UBE2G1: variants seen among roughly 807,000 people sequenced by gnomAD.
UBE2G1 encodes the protein ubiquitin conjugating enzyme E2 G1.
In UBE2G1, 5 loss-of-function variants were observed where a neutral mutation model predicts 22.7. That is an observed-to-expected ratio of 0.22 (90% CI 0.12 to 0.46). UBE2G1 has a LOEUF of 0.46. Ranked by LOEUF, UBE2G1 falls within the 20% of genes least tolerant of loss-of-function variation. The pLI is 0.99. For missense variants in UBE2G1, 88 were observed against 203.9 expected, an observed-to-expected ratio of 0.43 and a Z score of 3.46; for synonymous variants, 74 against 67.5, an observed-to-expected ratio of 1.10 and a Z score of -0.47.
intron 1 of UBE2G1, among the ~76,000 whole-genome samples, chr17:4,327,550 G>C (rs898665965): frequency 6.6e-5 from 10 of 152,192 alleles, no homozygotes; most frequent in Admixed American, 6.5e-5. Context: ...GGGTTGCCAG[G>C]GGCTCAGGAT....
chr17:4,280,865 C>T (rs988953714), intron 5 of UBE2G1, among the ~76,000 whole-genome samples: 17 of 152,172 alleles, frequency 1.1e-4, no homozygotes, highest in South Asian at 2.1e-4. Flanking sequence ...GAACTCCTGA[C>T]CTTGTGATCC....
At chr17:4,323,914 A>G (rs1969473054) in intron 1 of UBE2G1, among the ~76,000 whole-genome samples, 1 of 152,170 alleles carries the variant, frequency 6.6e-6, no homozygotes, top group Admixed American at 6.5e-5. Flanking sequence ...ATATATTTAG[A>G]GCATTTCATT....
chr17:4,336,691 T>C (rs1489267625), intron 1 of UBE2G1, among the ~76,000 whole-genome samples: 1 of 152,072 alleles, frequency 6.6e-6, no homozygotes, highest in Non-Finnish European at 1.5e-5. Context: ...CACACCCAGC[T>C]AATTTTTGTA....
At chr17:4,360,175 T>C (rs1471343110) in intron 1 of UBE2G1, among the ~76,000 whole-genome samples, 1 of 152,144 alleles carries the variant, frequency 6.6e-6, no homozygotes, top group Non-Finnish European at 1.5e-5. Flanking sequence ...AGTTATTTCC[T>C]ACAAACCAAT....
At chr17:4,290,515 A>G (rs561261485) in intron 3 of UBE2G1, among the ~76,000 whole-genome samples, 1 of 152,274 alleles carries the variant, frequency 6.6e-6, no homozygotes, top group East Asian at 1.9e-4. Context: ...TTTGTCACCC[A>G]GGCTGGAGTG....
intron 1 of UBE2G1, among the ~76,000 whole-genome samples, chr17:4,342,258 A>ATCCT (rs1265980452): frequency 2.0e-5 from 3 of 152,124 alleles, no homozygotes; most frequent in Non-Finnish European, 4.4e-5. Flanking sequence ...TGTCAACTCC[A>ATCCT]TCCTTTCAGA....
At chr17:4,316,591 T>C (rs1969376996) in intron 1 of UBE2G1, among the ~76,000 whole-genome samples, 1 of 152,216 alleles carries the variant, frequency 6.6e-6, no homozygotes, top group South Asian at 2.1e-4. Context: ...ATCAAGTTAA[T>C]AAATTTTACA....
chr17:4,359,655 C>T (rs1184858085), intron 1 of UBE2G1, among the ~76,000 whole-genome samples: 1 of 152,114 alleles, frequency 6.6e-6, no homozygotes, highest in Non-Finnish European at 1.5e-5. Context: ...CCAAGGAGAC[C>T]ATCCTGGCCA....
chr17:4,362,269 CTTTA>C (rs1969978340), intron 1 of UBE2G1, among the ~76,000 whole-genome samples: 1 of 152,114 alleles, frequency 6.6e-6, no homozygotes, highest in South Asian at 2.1e-4. Context: ...TGTTAGGTGT[CTTTA>C]TTTGCTTAAC....
intron 1 of UBE2G1, among the ~76,000 whole-genome samples, chr17:4,315,608 C>T (rs557264502): frequency 9.2e-4 from 139 of 150,360 alleles, no homozygotes; most frequent in South Asian, 1.5e-3. Context: ...GGCGTGGTGG[C>T]GGGCGCCTGT....
intron 1 of UBE2G1, chr17:4,331,846 T>C (rs906032950): frequency 2.6e-5 from 4 of 152,074 alleles, no homozygotes; most frequent in Admixed American, 1.3e-4. Context: ...TCAGTGACCG[T>C]CGTACGAGGG....
At position 4,269,491 on chromosome 17, in the gene UBE2G1, C is replaced by G. The variant is rs1348017931; in HGVS notation, c.*3063G>C. The G allele has an allele frequency of 5.4e-6, 1 of 185,368 alleles. No homozygotes were observed. The highest frequency in any genetic ancestry group is 1.1e-5 in the Non-Finnish European group (1 of 88,244). 11.5% of individuals were successfully genotyped at this position (185,368 alleles called of 1,614,324 possible). On this transcript the variant is annotated 3_prime_UTR_variant, in exon 6 of 6. Transcript: ENST00000396981. ...TGGAGACCAGACGGGCAAAGATACACAGGCACCACAGCCCAAAGCGGGCAG... is the reference window on the plus strand; with the variant it reads ...TGGAGACCAGACGGGCAAAGATACAGAGGCACCACAGCCCAAAGCGGGCAG...
At chr17:4,346,509 A>G (rs1969776109) in intron 1 of UBE2G1, among the ~76,000 whole-genome samples, 1 of 143,186 alleles carries the variant, frequency 7.0e-6, no homozygotes, top group Admixed American at 7.6e-5. Flanking sequence ...ATCTCGGCTC[A>G]CTGCAACCTC....
chr17:4,344,448 G>A (rs1969746446), intron 1 of UBE2G1, among the ~76,000 whole-genome samples: 2 of 152,016 alleles, frequency 1.3e-5, no homozygotes, highest in Admixed American at 1.3e-4. Context: ...GCTGAGGCAG[G>A]AGAATCTCTT....
chr17:4,356,221 G>C (rs1192590336), intron 1 of UBE2G1, among the ~76,000 whole-genome samples: 1 of 151,684 alleles, frequency 6.6e-6, no homozygotes, highest in Non-Finnish European at 1.5e-5. Context: ...AGCTGTGCCT[G>C]GTGGCACACG....
intron 1 of UBE2G1, among the ~76,000 whole-genome samples, chr17:4,359,631 GAGGCCAAGGC>G (rs936895493): frequency 6.6e-6 from 1 of 152,166 alleles, no homozygotes; most frequent in East Asian, 1.9e-4. Flanking sequence ...AACACTTTGG[GAGGCCAAGGC>G]AGGCCAAGGA....
At chr17:4,287,390 C>A (rs1297295709) in intron 4 of UBE2G1, among the ~76,000 whole-genome samples, 1 of 152,044 alleles carries the variant, frequency 6.6e-6, no homozygotes, top group African/African-American at 2.4e-5. Context: ...GTGTGAGCCA[C>A]CACGCCTGGC....
chr17:4,306,277 C>T (rs1969248015), intron 2 of UBE2G1, among the ~76,000 whole-genome samples: 1 of 152,152 alleles, frequency 6.6e-6, no homozygotes, highest in Non-Finnish European at 1.5e-5. Flanking sequence ...ACTCTTCTGC[C>T]TCCTGAGTTC....
At chr17:4,355,359 G>A (rs1969893926) in intron 1 of UBE2G1, among the ~76,000 whole-genome samples, 3 of 151,222 alleles carry the variant, frequency 2.0e-5, no homozygotes, top group African/African-American at 7.3e-5. Flanking sequence ...TTCATTTACT[G>A]GCTGGGAGCG....
Sources: gnomAD v4.1 joint callset for allele counts (sites outside exome capture counted in the v4.1 genomes callset) on GRCh38, gnomAD v4.1.1 for gene constraint, MANE v1.5 for transcripts, NCBI Gene and HGNC (gene_info 2026-07-23, HGNC 2026-07-21) for gene names.